Variants in LPP observed in about 807,000 individuals in gnomAD.
LPP encodes the protein LIM domain containing preferred translocation partner in lipoma.
In LPP, 38 loss-of-function variants were observed where a neutral mutation model predicts 60.4. That is an observed-to-expected ratio of 0.63 (90% CI 0.49 to 0.83). The LOEUF is 0.83. LPP is among the 40% of genes least tolerant of loss of function. The pLI is 0.00. For missense variants in LPP, 902 were observed against 783.6 expected (o/e 1.15, Z -1.80); for synonymous variants, 328 against 290.8 (o/e 1.13, Z -1.30).
intron 9 of LPP, among the ~76,000 whole-genome samples, chr3:188,843,697 G>C (rs1760676481): frequency 6.7e-6 from 1 of 149,890 alleles, no homozygotes; most frequent in African/African-American, 2.5e-5. Flanking sequence ...TGAGGCAGGA[G>C]AATGGCGTGA....
At chr3:188,680,029 A>G (rs1859123417) in intron 7 of LPP, among the ~76,000 whole-genome samples, 1 of 152,234 alleles carries the variant, frequency 6.6e-6, no homozygotes, top group African/African-American at 2.4e-5. Context: ...ATTGGTGAAT[A>G]GGAGTCAACA....
intron 9 of LPP, among the ~76,000 whole-genome samples, chr3:188,830,270 A>G (rs9821554): frequency 0.5 from 74,218 of 149,660 alleles, 19,420 homozygotes; most frequent in East Asian, 0.84. Context: ...TTTAATTATT[A>G]AAACTTATAG....
intron 3 of LPP, among the ~76,000 whole-genome samples, chr3:188,368,963 C>T (rs978948259): frequency 6.6e-6 from 1 of 152,188 alleles, no homozygotes; most frequent in Non-Finnish European, 1.5e-5. Flanking sequence ...TTCAGGCAGA[C>T]AGATTCACTA....
chr3:188,390,725 G>C (rs891404556), intron 3 of LPP, among the ~76,000 whole-genome samples: 1 of 151,976 alleles, frequency 6.6e-6, no homozygotes, highest in Non-Finnish European at 1.5e-5. Context: ...AGAGATCTAA[G>C]CATTACTGCA....
At chr3:188,846,356 C>T (rs1233539520) in intron 9 of LPP, among the ~76,000 whole-genome samples, 1 of 152,130 alleles carries the variant, frequency 6.6e-6, no homozygotes. Context: ...ATAAGGATAA[C>T]ATGAAGAGAG....
chr3:188,487,720 C>G (rs555286350), intron 5 of LPP, among the ~76,000 whole-genome samples: 1 of 152,280 alleles, frequency 6.6e-6, no homozygotes, highest in South Asian at 2.1e-4. Context: ...AGAAATGAGC[C>G]ATGGTAGAGC....
At chr3:188,252,366 CCTCT>C (rs1275578113) in intron 2 of LPP, among the ~76,000 whole-genome samples, 1 of 39,294 alleles carries the variant, frequency 2.5e-5, no homozygotes, top group African/African-American at 6.9e-5. Flanking sequence ...GTTTTTTTTT[CCTCT>C]CTCTCTCTCC....
At chr3:188,292,753 A>G (rs1460341895) in intron 2 of LPP, among the ~76,000 whole-genome samples, 1 of 152,238 alleles carries the variant, frequency 6.6e-6, no homozygotes, top group Non-Finnish European at 1.5e-5. Flanking sequence ...GTGAATTACC[A>G]GCTTCCTGAT....
rs1009163861 is a variant in LPP, at chr3:188,586,318, G to A, written c.430-22843G>A. On this transcript the variant is annotated intron_variant, in intron 6 of 11. Transcript: ENST00000617246. ...AACAAAATTTAAACCAAAAAATGTA[G>A]TAATGAAACAATGGTAATGAGATAT... 4.6e-5 allele frequency among the ~76,000 whole-genome samples: 7 copies of A among 152,064 alleles called. No individual in the cohort carries two copies. The South Asian group carries it at 1.2e-3, about 27-fold the overall frequency.
At chr3:188,781,849 G>A (rs1739838698) in intron 9 of LPP, among the ~76,000 whole-genome samples, 1 of 148,092 alleles carries the variant, frequency 6.8e-6, no homozygotes, top group South Asian at 2.1e-4. Flanking sequence ...CTGAGATCAT[G>A]CCACTGCACT....
At chr3:188,313,105 C>T (rs889276206) in intron 2 of LPP, among the ~76,000 whole-genome samples, 8 of 150,648 alleles carry the variant, frequency 5.3e-5, no homozygotes, top group African/African-American at 2.0e-4. Context: ...GCACGTTGTG[C>T]ACATGTACCC....
intron 6 of LPP, among the ~76,000 whole-genome samples, chr3:188,526,546 C>A (rs932281476): frequency 1.3e-5 from 2 of 152,174 alleles, no homozygotes; most frequent in East Asian, 3.9e-4. Context: ...CCGCCTTGGC[C>A]TCCCAAAGTA....
chr3:188,825,683 C>T (rs1353278619), intron 9 of LPP, among the ~76,000 whole-genome samples: 1 of 152,076 alleles, frequency 6.6e-6, no homozygotes, highest in Non-Finnish European at 1.5e-5. Flanking sequence ...CCGACTGCCT[C>T]CTTTGCAAAC....
intron 1 of LPP, among the ~76,000 whole-genome samples, chr3:188,177,156 A>T (rs957201730): frequency 6.6e-6 from 1 of 152,198 alleles, no homozygotes; most frequent in Non-Finnish European, 1.5e-5. Context: ...CTGAAGGGGT[A>T]GCAGGCCTGG....
intron 4 of LPP, among the ~76,000 whole-genome samples, chr3:188,422,666 A>G (rs1005524929): frequency 2.0e-5 from 3 of 152,172 alleles, no homozygotes; most frequent in Admixed American, 6.6e-5. Context: ...CTTGTGCAAT[A>G]TAGTTATCCC....
intron 9 of LPP, among the ~76,000 whole-genome samples, chr3:188,865,927 A>G (rs1473447471): frequency 1.3e-5 from 2 of 152,190 alleles, no homozygotes; most frequent in African/African-American, 4.8e-5. Flanking sequence ...TACCTGAGTA[A>G]TACTAGAAAA....
intron 5 of LPP, among the ~76,000 whole-genome samples, chr3:188,505,346 C>G (rs1197551598): frequency 6.6e-6 from 1 of 152,116 alleles, no homozygotes; most frequent in Admixed American, 6.5e-5. Flanking sequence ...TCTTTACCAC[C>G]CCCTCCTCCT....
chr3:188,787,657 A>T (rs1167271221), intron 9 of LPP, among the ~76,000 whole-genome samples: 1 of 152,168 alleles, frequency 6.6e-6, no homozygotes, highest in Non-Finnish European at 1.5e-5. Context: ...TGACTTCTAT[A>T]GCACCGTACA....
At position 188,407,796 on chromosome 3, in the gene LPP, T is replaced by G. The variant is rs1329293523; in HGVS notation, c.193+1483T>G. On this transcript the variant is annotated intron_variant, in intron 4 of 11. Coordinates refer to ENST00000617246, the MANE Select transcript of LPP (RefSeq NM_001375462.1). Reference sequence around the variant, plus strand: ...TTTTTTTTTGTTTGTTTGTTTTTTTTTTTTTTTTTTTGAGATGGAGTTTCA... The same window carrying G: ...TTTTTTTTTGTTTGTTTGTTTTTTTGTTTTTTTTTTTGAGATGGAGTTTCA... Among the ~76,000 whole-genome samples, 765 of 138,280 alleles carry G rather than the reference T, an allele frequency of 5.5e-3. 16 individuals carry two copies. The highest frequency in any genetic ancestry group is 0.011 in the Middle Eastern group (3 of 274). The allele number at this position is 138,280 out of a possible 152,430, so 90.7% of individuals were successfully genotyped here.
Sources: allele counts gnomAD v4.1 joint callset (sites outside exome capture counted in the v4.1 genomes callset), GRCh38; gene constraint gnomAD v4.1.1; transcripts MANE v1.5; gene names NCBI Gene and HGNC (gene_info 2026-07-23, HGNC 2026-07-21).